The following CYP39A1 variants were observed in gnomAD, a reference collection of about 807,000 sequenced individuals.
The protein encoded by CYP39A1 is 24-hydroxycholesterol 7-alpha-hydroxylase.
A neutral mutation model predicts 58.1 loss-of-function variants in CYP39A1; 49 were observed. That is an observed-to-expected ratio of 0.84 (90% CI 0.67 to 1.07). The LOEUF is 1.07. Ranked by LOEUF, CYP39A1 falls within the 50% of genes least tolerant of loss-of-function variation. The probability of loss-of-function intolerance (pLI) is 0.00; values close to 1 mark genes in which losing one functional copy is unlikely to be tolerated. For synonymous variants in CYP39A1, 209 were observed against 187.6 expected (o/e 1.11, Z -0.93); for missense variants, 531 against 539.4 (o/e 0.98, Z 0.16).
chr6:46,581,451 T>G (rs1038762994), intron 10 of CYP39A1, among the ~76,000 whole-genome samples: 1 of 149,992 alleles, frequency 6.7e-6, no homozygotes, highest in Non-Finnish European at 1.5e-5. Context: ...AAAGAAAGTA[T>G]GGTACATAGT....
chr6:46,588,730 G>C (rs1282745807), intron 8 of CYP39A1, among the ~76,000 whole-genome samples: 1 of 152,086 alleles, frequency 6.6e-6, no homozygotes, highest in African/African-American at 2.4e-5. Flanking sequence ...AAAACGACTG[G>C]TTAGGAAGAC....
In CYP39A1 at chr6:46,593,697, C is replaced by T. The variant is rs145552555; in HGVS notation, c.1065+2290G>A. On this transcript the variant is annotated intron_variant, in intron 8 of 11. Coordinates refer to ENST00000275016, the MANE Select transcript of CYP39A1 (RefSeq NM_016593.5). Reference sequence around the variant, plus strand: ...CACTCTCAAGCTGCATATAAAAAAGCAAACAATAGTAGAGGACTGATTAAA... The same window carrying T: ...CACTCTCAAGCTGCATATAAAAAAGTAAACAATAGTAGAGGACTGATTAAA... Among the ~76,000 whole-genome samples, 151 of 152,184 alleles carry T rather than the reference C, an allele frequency of 9.9e-4. 2 individuals are homozygous for T. In the East Asian group the frequency reaches 0.024, roughly 24 times the overall value.
At chr6:46,551,004 G>C (rs1770366990) in intron 11 of CYP39A1, among the ~76,000 whole-genome samples, 1 of 152,058 alleles carries the variant, frequency 6.6e-6, no homozygotes, top group Non-Finnish European at 1.5e-5. Context: ...AAACTGTGTA[G>C]GGTCAAGGGG....
At chr6:46,644,517 T>C (rs763535282) in intron 1 of CYP39A1, among the ~76,000 whole-genome samples, 1 of 152,132 alleles carries the variant, frequency 6.6e-6, no homozygotes, top group Non-Finnish European at 1.5e-5. Flanking sequence ...CAAGACTGTC[T>C]CTAAAAATCA....
chr6:46,550,514 G>T (rs1437070147), intron 11 of CYP39A1, 77 bp from the exon 12 acceptor site: 7 of 1,291,204 alleles, frequency 5.4e-6, no homozygotes, highest in Non-Finnish European at 7.4e-6. Context: ...TTATTCCATT[G>T]TAATCTTCTC....
intron 6 of CYP39A1, among the ~76,000 whole-genome samples, chr6:46,626,744 C>T (rs1197361076): frequency 6.6e-6 from 1 of 152,150 alleles, no homozygotes; most frequent in East Asian, 1.9e-4. Flanking sequence ...AACAGATGCT[C>T]AGAGAACTAT....
chr6:46,625,019 G>A (rs1484305336), intron 7 of CYP39A1, among the ~76,000 whole-genome samples: 15 of 151,994 alleles, frequency 9.9e-5, no homozygotes. Context: ...TCCTATTAGG[G>A]CTCTTATGTA....
intron 10 of CYP39A1, among the ~76,000 whole-genome samples, chr6:46,578,619 C>A (rs1391794402): frequency 6.6e-6 from 1 of 151,764 alleles, no homozygotes; most frequent in Non-Finnish European, 1.5e-5. Flanking sequence ...TACAACCAAT[C>A]CCACAGAAAT....
intron 7 of CYP39A1, among the ~76,000 whole-genome samples, chr6:46,610,074 T>C (rs932749243): frequency 2.0e-5 from 3 of 152,216 alleles, no homozygotes; most frequent in Admixed American, 6.5e-5. Context: ...TTCTAGAATA[T>C]TAATTCTTTC....
intron 7 of CYP39A1, among the ~76,000 whole-genome samples, chr6:46,620,474 C>G (rs755754318): frequency 9.2e-5 from 14 of 152,152 alleles, no homozygotes; most frequent in Non-Finnish European, 1.9e-4. Flanking sequence ...CAGTAGGTAA[C>G]TGTTGGACAA....
At chr6:46,575,382 C>T (rs1239152035) in intron 10 of CYP39A1, among the ~76,000 whole-genome samples, 1 of 152,168 alleles carries the variant, frequency 6.6e-6, no homozygotes. Flanking sequence ...CTGATTTGAG[C>T]ACACCCCAGT....
At chr6:46,593,369 C>T (rs1772956662) in intron 8 of CYP39A1, among the ~76,000 whole-genome samples, 1 of 152,020 alleles carries the variant, frequency 6.6e-6, no homozygotes, top group African/African-American at 2.4e-5. Flanking sequence ...CCCTTTATAA[C>T]ATAATCCTGA....
chr6:46,631,017 G>C lies in CYP39A1; in HGVS notation c.786C>G (p.Asn262Lys). 6.2e-7 allele frequency: 1 copy of C among 1,614,044 alleles called. No individual in the cohort carries two copies. The highest frequency in any genetic ancestry group is 8.5e-7 in the Non-Finnish European group (1 of 1,180,006). Residue 262 changes from asparagine (N) to lysine (K), a missense_variant, in exon 6 of 12, where the codon AAC becomes AAG. Coordinates refer to ENST00000275016, the MANE Select transcript of CYP39A1 (RefSeq NM_016593.5). Reference protein sequence around the residue: ...DIVETETSKENSPNYGLLLLW... With the variant: ...DIVETETSKEKSPNYGLLLLW... ...GCAGTAAGAGCCCATAATTGGGTGA[G>C]TTTTCCTTACTTGTTTCCGTCTCTA... is the stretch of plus-strand genomic sequence containing the variant.
chr6:46,578,511 ATAAC>A (rs1340356654), intron 10 of CYP39A1, among the ~76,000 whole-genome samples: 1 of 151,992 alleles, frequency 6.6e-6, no homozygotes, highest in African/African-American at 2.4e-5. Flanking sequence ...TTTTGAAAGA[ATAAC>A]TAAGATTCAT....
chr6:46,620,899 A>C (rs9472803), intron 7 of CYP39A1, among the ~76,000 whole-genome samples: 28,999 of 152,112 alleles, frequency 0.19, 2,951 homozygotes, highest in African/African-American at 0.27. Context: ...TAAGGAAAAT[A>C]ACTAAACAAT....
At chr6:46,621,124 T>C (rs1445175131) in intron 7 of CYP39A1, among the ~76,000 whole-genome samples, 1 of 151,968 alleles carries the variant, frequency 6.6e-6, no homozygotes, top group South Asian at 2.1e-4. Context: ...AGTTAAAAAA[T>C]CAAGAGTTGA....
At chr6:46,635,178 T>C (rs1775904424) in intron 5 of CYP39A1, among the ~76,000 whole-genome samples, 1 of 152,252 alleles carries the variant, frequency 6.6e-6, no homozygotes, top group African/African-American at 2.4e-5. Context: ...TTTGATGCCA[T>C]CTTTAAATAT....
rs375002322 is a variant in CYP39A1, at chr6:46,626,060, G to A, written c.841-552C>T. ...GTCAAAAACAAAGTCCTTTTTTTTGGCTTTTTTTGGCTCTGAATTAGTAAA... is the reference window on the plus strand; with the variant it reads ...GTCAAAAACAAAGTCCTTTTTTTTGACTTTTTTTGGCTCTGAATTAGTAAA... On this transcript the variant is annotated intron_variant, in intron 6 of 11. Transcript: ENST00000275016. 7.1e-3 allele frequency among the ~76,000 whole-genome samples: 1,016 copies of A among 143,764 alleles called. 9 individuals carry two copies. Among genetic ancestry groups the A allele is most frequent in the African/African-American group, 0.025 (959 of 37,662 alleles). 94.3% of individuals were successfully genotyped at this position (143,764 alleles called of 152,430 possible).
chr6:46,580,233 A>C (rs1772053307), intron 10 of CYP39A1, among the ~76,000 whole-genome samples: 2 of 152,032 alleles, frequency 1.3e-5, no homozygotes. Context: ...ATAAGTAAGC[A>C]ATAAAAACAA....
Sources: gnomAD v4.1 joint callset for allele counts (sites outside exome capture counted in the v4.1 genomes callset) on GRCh38, gnomAD v4.1.1 for gene constraint, MANE v1.5 for transcripts, NCBI Gene and HGNC (gene_info 2026-07-23, HGNC 2026-07-21) for gene names.